The following SRGAP1 variants were observed in gnomAD, a reference collection of about 807,000 sequenced individuals.
SRGAP1 encodes the protein SLIT-ROBO Rho GTPase-activating protein 1.
In SRGAP1, 43 loss-of-function variants were observed where a neutral mutation model predicts 121.9. The ratio of observed to expected loss-of-function variants is 0.35; its 90% CI spans 0.28 to 0.46. The LOEUF is 0.46. Ranked by LOEUF, SRGAP1 falls within the 20% of genes least tolerant of loss-of-function variation. The pLI, the probability that SRGAP1 is intolerant of heterozygous loss-of-function variation, is 1.00. For missense variants in SRGAP1, 1,102 were observed against 1,350.9 expected (o/e 0.82, Z 2.89); for synonymous variants, 447 against 485.4 (o/e 0.92, Z 1.04).
Position 64,091,460 on chromosome 12 carries a change from C to T in SRGAP1, c.1539+82C>T, listed in dbSNP as rs2036051275. ...CAGCCTCTTGTAAGAGGAGGAAGGT[C>T]ATTATGTCCAAGTCTGTCCTGGGGC... On this transcript the variant is annotated intron_variant, in intron 12 of 21. Coordinates refer to ENST00000355086, the MANE Select transcript of SRGAP1 (RefSeq NM_020762.4). The T allele has an allele frequency of 5.0e-5, 48 of 957,582 alleles. 1 individual carries two copies. In the South Asian group the frequency reaches 8.8e-4, roughly 17 times the overall value. 59.3% of individuals were successfully genotyped at this position (957,582 alleles called of 1,614,324 possible). A position where few individuals can be genotyped will look rare whatever the true frequency, so the allele number is the denominator to read the frequency against.
chr12:64,032,539 CA>C, intron 4 of SRGAP1: 4 of 1,152,518 alleles, frequency 3.5e-6, no homozygotes, highest in Non-Finnish European at 3.9e-6. Context: ...CAGAGTGACC[CA>C]AGGCAGTGCC....
At chr12:64,079,648 T>C (rs1202928785) in intron 9 of SRGAP1, among the ~76,000 whole-genome samples, 2 of 152,062 alleles carry the variant, frequency 1.3e-5, no homozygotes, top group African/African-American at 4.8e-5. Flanking sequence ...ATCATTCTAC[T>C]GCACTCCAGC....
intron 1 of SRGAP1, among the ~76,000 whole-genome samples, chr12:63,941,057 G>A (rs2031847632): frequency 1.3e-5 from 2 of 152,070 alleles, no homozygotes; most frequent in Admixed American, 6.5e-5. Flanking sequence ...GTTTGGCATC[G>A]TTTAGTGTTG....
chr12:64,112,378 C>T (rs1044802424), intron 17 of SRGAP1, among the ~76,000 whole-genome samples: 2 of 152,098 alleles, frequency 1.3e-5, no homozygotes, highest in African/African-American at 4.8e-5. Flanking sequence ...TTTAAAGGAG[C>T]CCTGTCAACC....
chr12:63,930,349 A>AAT (rs2031427669), intron 1 of SRGAP1, among the ~76,000 whole-genome samples: 1 of 151,234 alleles, frequency 6.6e-6, no homozygotes, highest in Admixed American at 6.6e-5. Flanking sequence ...AAAAAAAAAA[A>AAT]AAAGGGGAGC....
chr12:64,077,636 A>C (rs1409646854), intron 8 of SRGAP1, among the ~76,000 whole-genome samples: 1 of 151,942 alleles, frequency 6.6e-6, no homozygotes, highest in Admixed American at 6.6e-5. Flanking sequence ...CCTTCAGTGA[A>C]TAAAAAGACT....
chr12:63,991,384 A>G (rs1300422186), intron 3 of SRGAP1, among the ~76,000 whole-genome samples: 2 of 152,186 alleles, frequency 1.3e-5, no homozygotes, highest in Non-Finnish European at 2.9e-5. Context: ...TCCACATTAG[A>G]TTTGATTTCT....
chr12:63,845,046 A>C (rs1181627115), intron 1 of SRGAP1, among the ~76,000 whole-genome samples, 163 bp downstream of exon 1: 2 of 152,054 alleles, frequency 1.3e-5, no homozygotes, highest in Admixed American at 1.3e-4. Context: ...GTTAGTTCCC[A>C]GTTGCAATCC....
At chr12:64,121,759 C>G (rs916857514) in intron 18 of SRGAP1, among the ~76,000 whole-genome samples, 2 of 152,174 alleles carry the variant, frequency 1.3e-5, no homozygotes, top group African/African-American at 4.8e-5. Context: ...TGCCATCTGC[C>G]TTTTACCTCT....
At chr12:63,911,692 C>G (rs1372135186) in intron 1 of SRGAP1, among the ~76,000 whole-genome samples, 5 of 152,218 alleles carry the variant, frequency 3.3e-5, no homozygotes, top group Non-Finnish European at 7.3e-5. Context: ...TGACAACCAT[C>G]TCAGACTTTA....
At chr12:63,951,112 T>C (rs1400923362) in intron 1 of SRGAP1, among the ~76,000 whole-genome samples, 2 of 150,262 alleles carry the variant, frequency 1.3e-5, no homozygotes, top group African/African-American at 2.5e-5. Context: ...AAGTACTTAA[T>C]TCATATTTGT....
Position 64,115,900 on chromosome 12 carries a change from T to A in SRGAP1, c.2224+7T>A. 6.2e-7 allele frequency: 1 copy of A among 1,607,820 alleles called. No individual in the cohort carries two copies. Among genetic ancestry groups the A allele is most frequent in the Non-Finnish European group, 8.5e-7 (1 of 1,176,206 alleles). On this transcript the variant is annotated splice_region_variant and intron_variant, in intron 18 of 21. Transcript: ENST00000355086. ...CCCCACACAAGTGAAGATGGTATGC[T>A]CTCCCCTTATGCTATTATAAAGCCA...
At chr12:64,056,079 C>A (rs751094472) in intron 6 of SRGAP1, among the ~76,000 whole-genome samples, 20 of 152,142 alleles carry the variant, frequency 1.3e-4, no homozygotes, top group Non-Finnish European at 2.2e-4. Flanking sequence ...TCTTCTTAGT[C>A]ATGTTTTACA....
chr12:63,964,257 A>G (rs1351546295), intron 1 of SRGAP1, among the ~76,000 whole-genome samples: 1 of 152,236 alleles, frequency 6.6e-6, no homozygotes, highest in East Asian at 1.9e-4. Context: ...ATTGTGTCTG[A>G]CATAATATCC....
intron 11 of SRGAP1, among the ~76,000 whole-genome samples, chr12:64,090,518 G>A (rs2036031689): frequency 6.6e-6 from 1 of 152,154 alleles, no homozygotes; most frequent in Non-Finnish European, 1.5e-5. Flanking sequence ...CTGCTGGAGG[G>A]GTATCGAACA....
intron 10 of SRGAP1, chr12:64,080,609 C>G: frequency 1.7e-6 from 1 of 574,022 alleles, no homozygotes; most frequent in South Asian, 1.9e-5. Context: ...AAGTCAATAC[C>G]GAGCTCCTAG....
At chr12:63,938,272 C>T (rs979247880) in intron 1 of SRGAP1, among the ~76,000 whole-genome samples, 5 of 152,210 alleles carry the variant, frequency 3.3e-5, no homozygotes, top group Admixed American at 6.5e-5. Flanking sequence ...AGCCAGTTCA[C>T]ATTTCACCTC....
chr12:63,864,243 C>G (rs773264342), intron 1 of SRGAP1, among the ~76,000 whole-genome samples: 8 of 152,096 alleles, frequency 5.3e-5, no homozygotes, highest in Non-Finnish European at 1.2e-4. Context: ...CTTGGAATTA[C>G]GTTGTGAAAT....
At chr12:64,035,176 C>T (rs2034876719) in intron 4 of SRGAP1, among the ~76,000 whole-genome samples, 1 of 152,134 alleles carries the variant, frequency 6.6e-6, no homozygotes, top group South Asian at 2.1e-4. Flanking sequence ...GGGCTGGCTT[C>T]TCATGCCTTT....
Sources: gnomAD v4.1 joint callset for allele counts (sites outside exome capture counted in the v4.1 genomes callset) on GRCh38, gnomAD v4.1.1 for gene constraint, MANE v1.5 for transcripts, NCBI Gene and HGNC (gene_info 2026-07-23, HGNC 2026-07-21) for gene names.